The following CSNK1G3 variants were observed in gnomAD, a reference collection of about 807,000 sequenced individuals.
CSNK1G3 encodes casein kinase I isoform gamma-3.
In CSNK1G3, 23 loss-of-function variants were observed where a neutral mutation model predicts 64.3. The ratio of observed to expected loss-of-function variants is 0.36; its 90% CI spans 0.26 to 0.51. The LOEUF (loss-of-function observed/expected upper bound fraction) is 0.51, where lower values mean the gene tolerates loss of function less well. Among genes scored for constraint, CSNK1G3 ranks in the 20% least tolerant of loss-of-function variants. CSNK1G3 has a pLI of 0.96. For synonymous variants in CSNK1G3, 158 were observed against 162.2 expected, an observed-to-expected ratio of 0.97 and a Z score of 0.20; for missense variants, 357 against 510.5, an observed-to-expected ratio of 0.70 and a Z score of 2.90.
intron 1 of CSNK1G3, among the ~76,000 whole-genome samples, chr5:123,531,997 T>C (rs1257486701): frequency 1.3e-5 from 2 of 151,896 alleles, no homozygotes; most frequent in African/African-American, 2.4e-5. Context: ...CTAAAGCTTC[T>C]GTGAGGGAAA....
At chr5:123,589,042 A>G (rs961733977) in intron 8 of CSNK1G3, among the ~76,000 whole-genome samples, 1 of 152,174 alleles carries the variant, frequency 6.6e-6, no homozygotes, top group Non-Finnish European at 1.5e-5. Context: ...AAGCCAAAAA[A>G]AATTTACTTA....
At chr5:123,557,284 C>A (rs1055155584) in intron 3 of CSNK1G3, among the ~76,000 whole-genome samples, 1 of 152,110 alleles carries the variant, frequency 6.6e-6, no homozygotes, top group African/African-American at 2.4e-5. Context: ...CCTGCCTGAT[C>A]TAATGGCTAC....
intron 1 of CSNK1G3, among the ~76,000 whole-genome samples, chr5:123,537,088 A>G (rs1780963594): frequency 6.6e-6 from 1 of 152,220 alleles, no homozygotes; most frequent in Non-Finnish European, 1.5e-5. Context: ...ACTACTGGGT[A>G]TCTACCCAAA....
At chr5:123,574,084 T>C (rs1424416667) in intron 5 of CSNK1G3, among the ~76,000 whole-genome samples, 1 of 152,084 alleles carries the variant, frequency 6.6e-6, no homozygotes, top group African/African-American at 2.4e-5. Context: ...CTCCTGACCT[T>C]GTGATCCGCC....
At chr5:123,544,107 C>G (rs992392089) in intron 1 of CSNK1G3, among the ~76,000 whole-genome samples, 1 of 152,116 alleles carries the variant, frequency 6.6e-6, no homozygotes, top group African/African-American at 2.4e-5. Flanking sequence ...ATCACCAGAC[C>G]CTCTGCTAAT....
chr5:123,524,877 T>TG lies in CSNK1G3; in HGVS notation c.-248+12314dup, dbSNP rs546243740. On this transcript the variant is annotated intron_variant, in intron 1 of 12. Coordinates refer to ENST00000345990, the Ensembl canonical transcript of CSNK1G3. ...TCCTTAAACACTGAAGGATAATGGGTGGGGGGGAGCACTGGTGTTATATGC... is the reference window on the plus strand; with the variant it reads ...TCCTTAAACACTGAAGGATAATGGGTGGGGGGGGAGCACTGGTGTTATATGC... 1.3e-3 allele frequency among the ~76,000 whole-genome samples: 196 copies of TG among 151,958 alleles called. 2 individuals are homozygous for TG. The highest frequency in any genetic ancestry group is 4.0e-3 in the African/African-American group (164 of 41,438).
intron 2 of CSNK1G3, among the ~76,000 whole-genome samples, chr5:123,549,428 T>C (rs917841438): frequency 1.3e-5 from 2 of 152,204 alleles, no homozygotes; most frequent in Admixed American, 6.5e-5. Flanking sequence ...GCCTATGATA[T>C]GTGCTCTAAC....
intron 1 of CSNK1G3, among the ~76,000 whole-genome samples, chr5:123,519,607 G>C (rs564327625): frequency 6.6e-6 from 1 of 152,106 alleles, no homozygotes; most frequent in Non-Finnish European, 1.5e-5. Flanking sequence ...ATATCTAGGG[G>C]AGAATAAGTG....
intron 1 of CSNK1G3, among the ~76,000 whole-genome samples, chr5:123,519,610 A>G (rs1777746362): frequency 6.6e-6 from 1 of 151,902 alleles, no homozygotes; most frequent in Admixed American, 6.6e-5. Flanking sequence ...TCTAGGGGAG[A>G]ATAAGTGCAT....
At chr5:123,575,996 A>T in intron 6 of CSNK1G3, 33 bp downstream of exon 6, 1 of 1,431,160 alleles carries the variant, frequency 7.0e-7, no homozygotes, top group Non-Finnish European at 9.8e-7. Context: ...TGGAAGTTTG[A>T]ACTTAGCAGC....
In CSNK1G3 at chr5:123,596,879, A is replaced by T. The variant is rs150076818; in HGVS notation, c.1086+5465A>T. Among the ~76,000 whole-genome samples, 9 of 152,258 alleles carry T rather than the reference A, an allele frequency of 5.9e-5. No individual in the cohort carries two copies. In the East Asian group the frequency reaches 1.7e-3, roughly 29 times the overall value. ...GGACTAATATGACAGCCTAAGTAGG[A>T]TCATGCCTGAATCCTTCCCACTCCA... On this transcript the variant is annotated intron_variant, in intron 10 of 12. Transcript: ENST00000345990.
At chr5:123,604,508 G>A (rs754696678) in intron 10 of CSNK1G3, among the ~76,000 whole-genome samples, 9 of 151,950 alleles carry the variant, frequency 5.9e-5, no homozygotes, top group Non-Finnish European at 1.2e-4. Flanking sequence ...GTTGAAAAGC[G>A]CATATTAGAT....
chr5:123,585,127 G>T (rs562537949), intron 6 of CSNK1G3, among the ~76,000 whole-genome samples: 115 of 152,232 alleles, frequency 7.6e-4, no homozygotes, highest in African/African-American at 2.8e-3. Flanking sequence ...ATACAGATAA[G>T]TTGGTCAGAA....
intron 6 of CSNK1G3, among the ~76,000 whole-genome samples, chr5:123,586,690 G>A (rs1353279497): frequency 1.3e-5 from 2 of 152,128 alleles, no homozygotes; most frequent in Non-Finnish European, 2.9e-5. Flanking sequence ...TTGCAGTCTG[G>A]TGGAAGCATA....
chr5:123,600,858 C>G (rs1794373591), intron 10 of CSNK1G3, among the ~76,000 whole-genome samples: 1 of 150,734 alleles, frequency 6.6e-6, no homozygotes. Flanking sequence ...GCTGTTTTTC[C>G]AACATCCCTC....
intron 1 of CSNK1G3, among the ~76,000 whole-genome samples, chr5:123,514,631 G>C (rs1776818626): frequency 6.6e-6 from 1 of 151,926 alleles, no homozygotes; most frequent in African/African-American, 2.4e-5. Flanking sequence ...ATTTTTGACT[G>C]GGAAATTTTG....
chr5:123,613,108 G>T (rs944524192), intron 12 of CSNK1G3, among the ~76,000 whole-genome samples: 3 of 152,088 alleles, frequency 2.0e-5, no homozygotes, highest in African/African-American at 7.2e-5. Context: ...TTTATGTCTG[G>T]AAGGGGAAAA....
Position 123,590,396 on chromosome 5 carries a change from T to C in CSNK1G3, c.845-17T>C. On this transcript the variant is annotated splice_polypyrimidine_tract_variant and intron_variant, in intron 8 of 12. Transcript: ENST00000345990. ...AGAAAAGTATAGTCCAAATAATTTT[T>C]ATATTATTTCTAGAAGAAATGGCAA... The C allele has an allele frequency of 7.6e-7, 1 of 1,312,636 alleles. No homozygotes were observed. Among genetic ancestry groups the C allele is most frequent in the Non-Finnish European group, 1.0e-6 (1 of 980,492 alleles). 81.3% of individuals were successfully genotyped at this position (1,312,636 alleles called of 1,614,324 possible).
chr5:123,612,666 C>T (rs1796542707), intron 12 of CSNK1G3, among the ~76,000 whole-genome samples: 1 of 151,906 alleles, frequency 6.6e-6, no homozygotes, highest in Non-Finnish European at 1.5e-5. Context: ...TTAGTAGAGA[C>T]AGGGTTTTAC....
Sources: gnomAD v4.1 joint callset for allele counts (sites outside exome capture counted in the v4.1 genomes callset) on GRCh38, gnomAD v4.1.1 for gene constraint, MANE v1.5 for transcripts, NCBI Gene and HGNC (gene_info 2026-07-23, HGNC 2026-07-21) for gene names.